ZMYND11: variants seen among roughly 807,000 people sequenced by gnomAD.
ZMYND11 encodes zinc finger MYND-type containing 11.
In ZMYND11, 9 loss-of-function variants were observed where a neutral mutation model predicts 84.9. The observed-to-expected ratio is 0.11, with a 90% CI of 0.06 to 0.18. ZMYND11 has a LOEUF of 0.18. Ranked by LOEUF, ZMYND11 falls within the 10% of genes least tolerant of loss-of-function variation. The pLI is 1.00. For missense variants in ZMYND11, 409 were observed against 761.0 expected, an observed-to-expected ratio of 0.54 and a Z score of 5.44; for synonymous variants, 250 against 244.1, an observed-to-expected ratio of 1.02 and a Z score of -0.23.
intron 4 of ZMYND11, among the ~76,000 whole-genome samples, chr10:223,389 A>C (rs904258191): frequency 3.9e-5 from 6 of 152,026 alleles, no homozygotes; most frequent in African/African-American, 1.4e-4. Context: ...AAATTTTTAC[A>C]CTGTATTGGC....
chr10:139,933 A>G (rs939630712), intron 1 of ZMYND11, among the ~76,000 whole-genome samples: 3 of 151,948 alleles, frequency 2.0e-5, no homozygotes, highest in African/African-American at 7.3e-5. Flanking sequence ...GCTCTTCTCA[A>G]ACGTGTAGGT....
At chr10:206,489 G>C (rs1408802217) in intron 2 of ZMYND11, among the ~76,000 whole-genome samples, 1 of 152,146 alleles carries the variant, frequency 6.6e-6, no homozygotes, top group African/African-American at 2.4e-5. Context: ...TTATATTTCT[G>C]TCAGTATTTC....
chr10:221,433 G>C (rs997071337), intron 4 of ZMYND11, 77 bp downstream of exon 4: 191 of 1,491,194 alleles, frequency 1.3e-4, no homozygotes, highest in Non-Finnish European at 1.6e-4. Context: ...GATATCCCAG[G>C]TGGTCTTGCC....
chr10:140,781 G>A (rs1050258451), intron 1 of ZMYND11, among the ~76,000 whole-genome samples: 1 of 152,168 alleles, frequency 6.6e-6, no homozygotes, highest in Admixed American at 6.5e-5. Flanking sequence ...ACATACTTAA[G>A]CTATTCACAC....
intron 6 of ZMYND11, among the ~76,000 whole-genome samples, chr10:238,382 A>AAC (rs1950329405): frequency 6.6e-6 from 1 of 151,406 alleles, no homozygotes; most frequent in Non-Finnish European, 1.5e-5. Flanking sequence ...TTTGAGACGG[A>AAC]GTCTCACTCT....
At chr10:156,577 T>C (rs1554759152) in intron 1 of ZMYND11, among the ~76,000 whole-genome samples, 1 of 152,230 alleles carries the variant, frequency 6.6e-6, no homozygotes, top group Non-Finnish European at 1.5e-5. Context: ...CTATATGCTT[T>C]AAAGTTCTAA....
chr10:188,449 C>T (rs995592826), intron 2 of ZMYND11, among the ~76,000 whole-genome samples: 6 of 151,592 alleles, frequency 4.0e-5, no homozygotes, highest in East Asian at 3.9e-4. Flanking sequence ...CAAAATTAGC[C>T]GGGTGTGGTG....
At chr10:161,541 G>A (rs1554761874) in intron 1 of ZMYND11, among the ~76,000 whole-genome samples, 1 of 152,138 alleles carries the variant, frequency 6.6e-6, no homozygotes, top group African/African-American at 2.4e-5. Context: ...GTCCTAGATG[G>A]CATTTCTTCC....
chr10:154,976 T>C (rs1841359247), intron 1 of ZMYND11: 1 of 152,350 alleles, frequency 6.6e-6, no homozygotes, highest in Admixed American at 6.5e-5. Flanking sequence ...TTTTTTTCCA[T>C]GTAATTTTCT....
At chr10:159,992 G>A (rs1235963608) in intron 1 of ZMYND11, among the ~76,000 whole-genome samples, 4 of 151,966 alleles carry the variant, frequency 2.6e-5, no homozygotes, top group African/African-American at 7.3e-5. Context: ...TTATGTAATT[G>A]CATTGGTAAA....
intron 1 of ZMYND11, among the ~76,000 whole-genome samples, chr10:146,380 A>G (rs1040241836): frequency 6.6e-6 from 1 of 152,148 alleles, no homozygotes; most frequent in East Asian, 1.9e-4. Flanking sequence ...TAAGAATTTT[A>G]GGATTTTTCT....
At chr10:237,220 T>C (rs1218772676) in intron 5 of ZMYND11, among the ~76,000 whole-genome samples, 6 of 152,356 alleles carry the variant, frequency 3.9e-5, no homozygotes, top group Admixed American at 6.5e-5. Context: ...CTCTTTAAAA[T>C]GAAAGGCAAT....
chr10:181,492 A>AC (rs1657967634), intron 2 of ZMYND11, among the ~76,000 whole-genome samples: 1 of 152,150 alleles, frequency 6.6e-6, no homozygotes, highest in South Asian at 2.1e-4. Context: ...GGTGGTGCAC[A>AC]CCTGTGGTCC....
Position 187,441 on chromosome 10 carries a change from T to C in ZMYND11, c.116+7313T>C, listed in dbSNP as rs1382650702. On this transcript the variant is annotated intron_variant, in intron 2 of 14. Transcript: ENST00000381604. ...CAAGGTCAGGAGATCGAGACCATCT[T>C]GGCTAACACGGTGAAACCCCGTCTC... 8.6e-5 allele frequency among the ~76,000 whole-genome samples: 13 copies of C among 151,918 alleles called. No homozygotes were observed. The East Asian group carries it at 2.5e-3, about 29-fold the overall frequency.
chr10:210,160 AT>A (rs1462664720), intron 3 of ZMYND11, 112 bp downstream of exon 3: 1 of 1,210,384 alleles, frequency 8.3e-7, no homozygotes, highest in East Asian at 2.5e-5. Flanking sequence ...TCATTTTAAC[AT>A]TTGTATCAAC....
Position 158,412 on chromosome 10 carries a change from C to CTTT in ZMYND11, c.-19-21565_-19-21563dup, listed in dbSNP as rs372896551. Among the ~76,000 whole-genome samples the CTTT allele has an allele frequency of 3.3e-3, 472 of 142,478 alleles. 6 individuals carry two copies. The highest frequency in any genetic ancestry group is 4.2e-3 in the Non-Finnish European group (277 of 65,366). 93.5% of individuals were successfully genotyped at this position (142,478 alleles called of 152,430 possible). A position where few individuals can be genotyped will look rare whatever the true frequency, so the allele number is the denominator to read the frequency against. ...TTCTATTATTCCTTTTTGTCTTTTC[C>CTTT]TTTTTTTTTTTTTTTTTTTATTTTG... On this transcript the variant is annotated intron_variant, in intron 1 of 14. Transcript: ENST00000381604.
At chr10:178,956 A>G (rs1207559509) in intron 1 of ZMYND11, among the ~76,000 whole-genome samples, 1 of 152,212 alleles carries the variant, frequency 6.6e-6, no homozygotes, top group Non-Finnish European at 1.5e-5. Flanking sequence ...CCAGTCATGG[A>G]ACACAGCAAA....
intron 1 of ZMYND11, among the ~76,000 whole-genome samples, chr10:147,429 G>T (rs1839158345): frequency 6.6e-6 from 1 of 151,838 alleles, no homozygotes; most frequent in Non-Finnish European, 1.5e-5. Context: ...CTCCTATTGA[G>T]CTCTACTTTT....
At chr10:190,012 C>T (rs1052717394) in intron 2 of ZMYND11, among the ~76,000 whole-genome samples, 14 of 152,228 alleles carry the variant, frequency 9.2e-5, no homozygotes, top group Admixed American at 9.2e-4. Flanking sequence ...GATAAAAAGG[C>T]AGAAAGAGTT....
Sources: allele counts gnomAD v4.1 joint callset (sites outside exome capture counted in the v4.1 genomes callset), GRCh38; gene constraint gnomAD v4.1.1; transcripts MANE v1.5; gene names NCBI Gene and HGNC (gene_info 2026-07-23, HGNC 2026-07-21).